METTL21C: variants seen among roughly 807,000 people sequenced by gnomAD.
The protein encoded by METTL21C is protein-lysine methyltransferase METTL21C.
Under a neutral mutation model 25.9 loss-of-function variants are expected in METTL21C, and 21 were observed. The observed-to-expected ratio is 0.81, with a 90% CI of 0.58 to 1.17. The LOEUF is 1.17. Ranked by LOEUF, METTL21C falls within the 50% of genes most tolerant of loss-of-function variation. The probability of loss-of-function intolerance (pLI) is 0.00; values close to 1 mark genes in which losing one functional copy is unlikely to be tolerated. For synonymous variants in METTL21C, 125 were observed against 124.7 expected (o/e 1.00, Z -0.01); for missense variants, 312 against 315.1 (o/e 0.99, Z 0.07).
At chr13:102,692,435 T>A (rs1026700142) in intron 1 of METTL21C, among the ~76,000 whole-genome samples, 1 of 152,228 alleles carries the variant, frequency 6.6e-6, no homozygotes, top group Non-Finnish European at 1.5e-5. Flanking sequence ...GTCACAACCA[T>A]TTGACGATGC....
In METTL21C at chr13:102,690,829, G is replaced by A. The variant is rs140948695; in HGVS notation, c.266C>T (p.Ala89Val). The part of the protein sequence containing the change: ...VIQESIESYG[A>V]VVWPGAMALC... ...TTCTCTCACCCCTGGCCACACCACCGCTCCGTAACTCTCTATGGATTCCTG... is the reference window on the plus strand; with the variant it reads ...TTCTCTCACCCCTGGCCACACCACCACTCCGTAACTCTCTATGGATTCCTG... Residue 89 changes from alanine to valine, a missense_variant, in exon 2 of 4, where the codon GCG becomes GTG. Coordinates refer to ENST00000267273, the MANE Select transcript of METTL21C (RefSeq NM_001010977.3). The A allele has an allele frequency of 2.0e-4, 328 of 1,613,844 alleles. No individual in the cohort carries two copies. The highest frequency in any genetic ancestry group is 2.6e-4 in the Non-Finnish European group (309 of 1,179,946).
chr13:102,702,533 T>C, the METTL21C span, among the ~76,000 whole-genome samples: 1 of 152,222 alleles, frequency 6.6e-6, no homozygotes, highest in Non-Finnish European at 1.5e-5. Context: ...AGACAAACTA[T>C]TTGGAACTAA....
At chr13:102,687,108 G>A (rs371282609) in intron 2 of METTL21C, 51 bp from the exon 3 acceptor site, 2 of 1,382,054 alleles carry the variant, frequency 1.4e-6, no homozygotes, top group African/African-American at 1.4e-5. Flanking sequence ...TTGGAAACCA[G>A]TAGCAACCCT....
intron 1 of METTL21C, among the ~76,000 whole-genome samples, chr13:102,692,755 C>T (rs1885863833): frequency 6.6e-6 from 1 of 152,178 alleles, no homozygotes; most frequent in Non-Finnish European, 1.5e-5. Context: ...ACTTGCAAGA[C>T]GCCTCTAATA....
chr13:102,701,299 C>A, the METTL21C span, among the ~76,000 whole-genome samples: 2 of 152,154 alleles, frequency 1.3e-5, no homozygotes, highest in African/African-American at 4.8e-5. Context: ...CTCTTCAGCT[C>A]TGGGGTTCTG....
At position 102,685,765 on chromosome 13, in the gene METTL21C, A is replaced by T. The variant is rs1885648901; in HGVS notation, c.*266T>A. The T allele has an allele frequency of 5.5e-6, 2 of 361,710 alleles. No individual in the cohort carries two copies. Among genetic ancestry groups the T allele is most frequent in the African/African-American group, 2.1e-5 (1 of 48,194 alleles). The allele number at this position is 361,710 out of a possible 1,614,324, so 22.4% of individuals were successfully genotyped here. A position where few individuals can be genotyped will look rare whatever the true frequency, so the allele number is the denominator to read the frequency against. On this transcript the variant is annotated 3_prime_UTR_variant, in exon 4 of 4. Transcript: ENST00000267273. ...TCACTTATTACTTTATCCATGTAAG[A>T]TTTATTAAACATGTAACTTCGTTGG...
chr13:102,700,429 G>A, the METTL21C span, among the ~76,000 whole-genome samples: 7 of 152,076 alleles, frequency 4.6e-5, no homozygotes, highest in Admixed American at 3.3e-4. Context: ...AAATTTTATT[G>A]TAATTTTAGA....
At chr13:102,692,431 AC>A (rs1341033757) in intron 1 of METTL21C, among the ~76,000 whole-genome samples, 1 of 152,226 alleles carries the variant, frequency 6.6e-6, no homozygotes, top group Non-Finnish European at 1.5e-5. Context: ...AACAGTCACA[AC>A]CATTTGACGA....
At chr13:102,698,551 A>T (rs9582611), upstream of METTL21C, among the ~76,000 whole-genome samples, 1 of 151,972 alleles carries the variant, frequency 6.6e-6, no homozygotes, top group African/African-American at 2.4e-5. Context: ...CCACATCAGC[A>T]GGTCTGAAGG....
chr13:102,693,115 T>C (rs9514044), intron 1 of METTL21C, among the ~76,000 whole-genome samples: 49,937 of 152,012 alleles, frequency 0.33, 10,030 homozygotes, highest in African/African-American at 0.57. Flanking sequence ...GGGAAAGACG[T>C]GCAGTACCTC....
rs371376040 is a variant in METTL21C at position 102,694,462 on chromosome 13, G to A, written c.37C>T (p.Arg13Cys). 4.1e-6 allele frequency: 6 copies of A among 1,457,002 alleles called. No homozygotes were observed. Among genetic ancestry groups the A allele is most frequent in the African/African-American group, 3.0e-5 (1 of 33,414 alleles). The allele number at this position is 1,457,002 out of a possible 1,614,324, so 90.3% of individuals were successfully genotyped here. A position where few individuals can be genotyped will look rare whatever the true frequency, so the allele number is the denominator to read the frequency against. ...GGGGAGCTGAGTCCTTCCCCCCGGC[G>A]CCCAGGCTGCTGCGCGGAGCTCAGA... ...VCLSSAQQPGRRGEGLSSPGG... is the reference protein window; with the variant it reads ...VCLSSAQQPGCRGEGLSSPGG... The change falls in exon 1 of 4, where the codon CGC becomes TGC. Residue 13 changes from arginine (R) to cysteine (C), a missense_variant. Coordinates refer to ENST00000267273, the MANE Select transcript of METTL21C (RefSeq NM_001010977.3).
chr13:102,690,575 T>C (rs1333411657), intron 2 of METTL21C, among the ~76,000 whole-genome samples: 2 of 152,112 alleles, frequency 1.3e-5, no homozygotes, highest in African/African-American at 2.4e-5. Flanking sequence ...GCTGAGTTTA[T>C]TTAATATAAA....
upstream of METTL21C, among the ~76,000 whole-genome samples, chr13:102,697,409 C>G (rs1655055365): frequency 1.3e-5 from 2 of 152,094 alleles, no homozygotes; most frequent in Non-Finnish European, 2.9e-5. Context: ...TCCTACAATG[C>G]ACAGGACAGC....
upstream of METTL21C, among the ~76,000 whole-genome samples, chr13:102,696,352 C>A (rs1456779725): frequency 6.6e-6 from 1 of 151,414 alleles, no homozygotes; most frequent in African/African-American, 2.4e-5. Context: ...CATCACACAC[C>A]TGGGCCTGTC....
intron 2 of METTL21C, among the ~76,000 whole-genome samples, chr13:102,689,969 G>A (rs1053555859): frequency 3.3e-5 from 5 of 152,308 alleles, no homozygotes; most frequent in African/African-American, 1.2e-4. Context: ...GTGAACATTT[G>A]TGACTACCCA....
rs80234168 is a variant in METTL21C, at chr13:102,686,974, T to G, written c.366A>C (p.Gly122=). ...QDAKILEIGA[G]PGLVSIVASI... ...TGGCCACAATGGAAACAAGGCCTGG[T>G]CCGGCACCAATTTCAAGTATTTTTG... The change falls in exon 3 of 4, where the codon GGA becomes GGC. Residue 122 remains glycine, a synonymous_variant. Coordinates refer to ENST00000267273, the MANE Select transcript of METTL21C (RefSeq NM_001010977.3). The G allele has an allele frequency of 6.2e-7, 1 of 1,614,176 alleles. No individual in the cohort carries two copies. Among genetic ancestry groups the G allele is most frequent in the Non-Finnish European group, 8.5e-7 (1 of 1,179,996 alleles).
chr13:102,685,767 TTA>T lies in METTL21C; in HGVS notation c.*262_*263del, dbSNP rs1316815649. ...ACTTATTACTTTATCCATGTAAGAT[TTA>T]TTAAACATGTAACTTCGTTGGAACC... On this transcript the variant is annotated 3_prime_UTR_variant, in exon 4 of 4. Transcript: ENST00000267273. The T allele has an allele frequency of 2.7e-6, 1 of 365,052 alleles. No homozygotes were observed. Among genetic ancestry groups the T allele is most frequent in the Non-Finnish European group, 4.9e-6 (1 of 203,192 alleles). 22.6% of individuals were successfully genotyped at this position (365,052 alleles called of 1,614,324 possible). A position where few individuals can be genotyped will look rare whatever the true frequency, so the allele number is the denominator to read the frequency against.
intron 2 of METTL21C, among the ~76,000 whole-genome samples, chr13:102,689,506 A>G (rs1378513204): frequency 6.6e-6 from 1 of 152,204 alleles, no homozygotes; most frequent in African/African-American, 2.4e-5. Flanking sequence ...GCCCCGTGGA[A>G]CCACTAACCA....
At chr13:102,695,671 T>A (rs1885935352), upstream of METTL21C, among the ~76,000 whole-genome samples, 1 of 152,208 alleles carries the variant, frequency 6.6e-6, no homozygotes, top group African/African-American at 2.4e-5. Flanking sequence ...CTAGATGTGC[T>A]GTGGTCCCAT....
Sources: gnomAD v4.1 joint callset for allele counts (sites outside exome capture counted in the v4.1 genomes callset) on GRCh38, gnomAD v4.1.1 for gene constraint, MANE v1.5 for transcripts, NCBI Gene and HGNC (gene_info 2026-07-23, HGNC 2026-07-21) for gene names.